The following VBP1 variants were observed in gnomAD, a reference collection of about 807,000 sequenced individuals.
The protein encoded by VBP1 is prefoldin subunit 3.
A neutral mutation model predicts 15.5 loss-of-function variants in VBP1; 4 were observed. The observed-to-expected ratio is 0.26, with a 90% CI of 0.13 to 0.59. VBP1 has a LOEUF of 0.59. Among genes scored for constraint, VBP1 ranks in the 20% least tolerant of loss-of-function variants. The pLI, the probability that VBP1 is intolerant of heterozygous loss-of-function variation, is 0.90. For missense variants in VBP1, 108 were observed against 139.6 expected (o/e 0.77, Z 1.14); for synonymous variants, 61 against 52.1 (o/e 1.17, Z -0.74).
chrX:155,239,112 T>C lies in VBP1; in HGVS notation c.*270T>C, dbSNP rs17328215. 17 of 230,567 alleles carry C rather than the reference T, an allele frequency of 7.4e-5. No homozygotes were observed. The highest frequency in any genetic ancestry group is 1.2e-4 in the Non-Finnish European group (16 of 131,192). 19.0% of individuals were successfully genotyped at this position (230,567 alleles called of 1,213,427 possible). A position where few individuals can be genotyped will look rare whatever the true frequency, so the allele number is the denominator to read the frequency against. On this transcript the variant is annotated 3_prime_UTR_variant, in exon 6 of 6. Coordinates refer to ENST00000286428, the MANE Select transcript of VBP1 (RefSeq NM_003372.7). ...ACTCTTAGCTGAAATGGCCGAAAAC[T>C]GTGAGACATGCTATGGAAGCTGAAT...
intron 2 of VBP1, chrX:155,209,074 C>T (rs1357855360): frequency 2.5e-6 from 2 of 801,140 alleles, no homozygotes; most frequent in Non-Finnish European, 3.6e-6. Flanking sequence ...GCAACATAGC[C>T]ATCTTTTGTA....
At chrX:155,215,769 T>C (rs782128377), upstream of VBP1, among the ~76,000 whole-genome samples, 29 of 111,679 alleles carry the variant, frequency 2.6e-4, no homozygotes, top group Admixed American at 4.7e-4. Flanking sequence ...CACATGTGCT[T>C]TTAAAGGGTT....
At chrX:155,213,322 C>G (rs1557308676), upstream of VBP1, 1 of 111,963 alleles carries the variant, frequency 8.9e-6, no homozygotes, top group Non-Finnish European at 1.9e-5. Context: ...AGTGACCAGG[C>G]TCAGGAAAAA....
intron 1 of VBP1, among the ~76,000 whole-genome samples, chrX:155,197,929 C>T (rs1307277615): frequency 8.9e-6 from 1 of 112,487 alleles, no homozygotes; most frequent in Non-Finnish European, 1.9e-5. Flanking sequence ...TTCCGATGGG[C>T]TTAAAAAACG....
intron 1 of VBP1, among the ~76,000 whole-genome samples, chrX:155,207,863 A>T (rs1557308193): frequency 8.9e-6 from 1 of 112,025 alleles, no homozygotes; most frequent in Non-Finnish European, 1.9e-5. Context: ...TGCTCAGTGA[A>T]CATGTCCTCT....
At chrX:155,216,146 G>A (rs1471282051), upstream of VBP1, among the ~76,000 whole-genome samples, 2 of 110,788 alleles carry the variant, frequency 1.8e-5, no homozygotes, top group Non-Finnish European at 3.8e-5. Context: ...CCAGTTCTAG[G>A]GTCGGGGTGG....
Position 155,227,245 on chromosome X carries a change from C to T in VBP1, c.229C>T (p.Gln77Ter). ...LAQKKRRLKG[Q>*]IPEIKQTLEI... ...TTTTCTTGTTCACAGGCTAAAAGGT[C>T]AGATTCCTGAAATTAAACAGACTTT... Residue 77 changes from glutamine (Q) to a stop codon, truncating the protein, a stop_gained, in exon 3 of 6, where the codon CAG becomes TAG. Coordinates refer to ENST00000286428, the MANE Select transcript of VBP1 (RefSeq NM_003372.7). LOFTEE classifies it high-confidence loss of function. 8.5e-7 allele frequency: 1 copy of T among 1,181,026 alleles called. No individual in the cohort carries two copies. The highest frequency in any genetic ancestry group is 1.1e-6 in the Non-Finnish European group (1 of 884,249).
intron 4 of VBP1, 60 bp downstream of exon 4, chrX:155,228,542 A>G: frequency 2.1e-6 from 2 of 967,572 alleles, no homozygotes; most frequent in Non-Finnish European, 2.9e-6. Flanking sequence ...TTCTGTAGCA[A>G]ACACACTGGT....
chrX:155,209,255 T>C (rs1557308327), intron 2 of VBP1, among the ~76,000 whole-genome samples: 1 of 112,259 alleles, frequency 8.9e-6, no homozygotes, highest in African/African-American at 3.2e-5. Context: ...GTTTATTCAG[T>C]CAACAAACCC....
intron 1 of VBP1, among the ~76,000 whole-genome samples, chrX:155,219,368 A>G (rs2074678722): frequency 8.9e-6 from 1 of 112,353 alleles, no homozygotes; most frequent in South Asian, 3.7e-4. Context: ...GGTATAAAAA[A>G]TATTTTAACA....
At chrX:155,236,034 C>T (rs1557311517) in intron 4 of VBP1, among the ~76,000 whole-genome samples, 195 bp from the exon 5 acceptor site, 3 of 112,293 alleles carry the variant, frequency 2.7e-5, no homozygotes. Context: ...CACATGGTCT[C>T]TGTCTCAACC....
chrX:155,220,073 T>C, intron 1 of VBP1, 110 bp from the exon 2 acceptor site: 1 of 768,223 alleles, frequency 1.3e-6, no homozygotes, highest in Admixed American at 3.9e-5. Context: ...AAACAAACCT[T>C]TGGAGAAAAA....
chrX:155,214,701 T>A (rs1557308843), upstream of VBP1, among the ~76,000 whole-genome samples: 1 of 108,538 alleles, frequency 9.2e-6, no homozygotes, highest in Non-Finnish European at 1.9e-5. Context: ...TAAAGACCAA[T>A]CATATTTAGT....
upstream of VBP1, among the ~76,000 whole-genome samples, chrX:155,212,475 G>A (rs1321908301): frequency 1.8e-5 from 2 of 111,575 alleles, no homozygotes; most frequent in Non-Finnish European, 3.8e-5. Context: ...GTGGGATCTA[G>A]TGACAACCAT....
chrX:155,211,279 G>A (rs1292478273), intron 2 of VBP1, among the ~76,000 whole-genome samples: 12 of 111,907 alleles, frequency 1.1e-4, no homozygotes, highest in African/African-American at 3.9e-4. Context: ...ACACTGCATC[G>A]GATTCTTCTA....
At chrX:155,222,831 C>T (rs1346692187) in intron 2 of VBP1, among the ~76,000 whole-genome samples, 2 of 110,924 alleles carry the variant, frequency 1.8e-5, no homozygotes, top group East Asian at 2.8e-4. Context: ...TGAGTTTTAC[C>T]TATTTTAATA....
intron 1 of VBP1, among the ~76,000 whole-genome samples, chrX:155,199,913 G>A (rs1448956790): frequency 0.012 from 906 of 74,925 alleles, no homozygotes; most frequent in Non-Finnish European, 0.012. Context: ...GATGGAGGAA[G>A]ATCTACCAAG....
chrX:155,207,116 G>C (rs1310209181), intron 1 of VBP1, among the ~76,000 whole-genome samples: 1 of 111,622 alleles, frequency 9.0e-6, no homozygotes, highest in Non-Finnish European at 1.9e-5. Context: ...AACAGGGCTT[G>C]AGGCAAAAGT....
intron 1 of VBP1, among the ~76,000 whole-genome samples, chrX:155,206,235 A>G (rs2074625657): frequency 1.5e-5 from 1 of 67,936 alleles, no homozygotes; most frequent in African/African-American, 3.7e-5. Context: ...AGTCTTGAGT[A>G]GAATTTTTTT....
Sources: gnomAD v4.1 joint callset for allele counts (sites outside exome capture counted in the v4.1 genomes callset) on GRCh38, gnomAD v4.1.1 for gene constraint, MANE v1.5 for transcripts, NCBI Gene and HGNC (gene_info 2026-07-23, HGNC 2026-07-21) for gene names.